CNBD1: variants seen among roughly 807,000 people sequenced by gnomAD.
The protein encoded by CNBD1 is cyclic nucleotide binding domain containing 1.
Under a neutral mutation model 54.4 loss-of-function variants are expected in CNBD1, and 71 were observed. That is an observed-to-expected ratio of 1.30 (90% CI 1.08 to 1.59). The LOEUF (loss-of-function observed/expected upper bound fraction) is 1.59. Ranked by LOEUF, CNBD1 falls within the 40% of genes most tolerant of loss-of-function variation. The pLI is 0.00. For synonymous variants in CNBD1, 182 were observed against 170.7 expected, an observed-to-expected ratio of 1.07 and a Z score of -0.51; for missense variants, 659 against 518.0, an observed-to-expected ratio of 1.27 and a Z score of -2.64.
At chr8:86,962,869 G>A (rs1255294547) in intron 4 of CNBD1, among the ~76,000 whole-genome samples, 1 of 152,120 alleles carries the variant, frequency 6.6e-6, no homozygotes, top group South Asian at 2.1e-4. Context: ...GGCATGTCAG[G>A]CTTCTGGGTT....
chr8:87,340,504 T>G (rs1810044494), intron 8 of CNBD1, among the ~76,000 whole-genome samples: 1 of 152,170 alleles, frequency 6.6e-6, no homozygotes, highest in Non-Finnish European at 1.5e-5. Flanking sequence ...TTTCTTTCTC[T>G]CTCTTCTCCT....
chr8:87,275,025 T>C (rs1333105172), intron 6 of CNBD1, among the ~76,000 whole-genome samples: 1 of 134,180 alleles, frequency 7.5e-6, no homozygotes, highest in African/African-American at 3.0e-5. Context: ...ATTTATTAAA[T>C]AGGGAATCCT....
intron 4 of CNBD1, among the ~76,000 whole-genome samples, chr8:87,020,705 T>A (rs957746219): frequency 6.6e-6 from 1 of 152,198 alleles, no homozygotes; most frequent in Non-Finnish European, 1.5e-5. Flanking sequence ...ATATATTTCC[T>A]TGCCATACCT....
chr8:86,969,476 AT>A (rs2130487479), intron 4 of CNBD1, among the ~76,000 whole-genome samples: 1 of 152,200 alleles, frequency 6.6e-6, no homozygotes, highest in Admixed American at 6.5e-5. Flanking sequence ...CCATGTTTTA[AT>A]GTTTAGGAAA....
Position 87,013,565 on chromosome 8 carries a change from A to T in CNBD1, c.431+73811A>T, listed in dbSNP as rs191176693. Among the ~76,000 whole-genome samples the T allele has an allele frequency of 3.4e-3, 508 of 151,484 alleles. 4 individuals are homozygous for T. The highest frequency in any genetic ancestry group is 5.8e-3 in the Non-Finnish European group (390 of 67,816). Reference sequence around the variant, plus strand: ...CTGCTGTTACTTTTCTACTGAGATTAAAAAAAATAATAATAACCGCTGTTT... The same window carrying T: ...CTGCTGTTACTTTTCTACTGAGATTTAAAAAAATAATAATAACCGCTGTTT... On this transcript the variant is annotated intron_variant, in intron 4 of 10. Transcript: ENST00000518476.
intron 4 of CNBD1, among the ~76,000 whole-genome samples, chr8:87,127,492 G>A (rs1408837831): frequency 6.6e-6 from 1 of 152,122 alleles, no homozygotes; most frequent in Non-Finnish European, 1.5e-5. Context: ...TGATTTATGT[G>A]TATTAATCTT....
chr8:87,302,008 C>T (rs1157681326), intron 8 of CNBD1, among the ~76,000 whole-genome samples: 1 of 152,030 alleles, frequency 6.6e-6, no homozygotes, highest in Non-Finnish European at 1.5e-5. Context: ...AGCTTACCAA[C>T]CAAAAAAAGT....
In CNBD1 at chr8:86,925,730, CAA is replaced by C. The variant is rs71275895; in HGVS notation, c.273-13849_273-13848del. On this transcript the variant is annotated intron_variant, in intron 3 of 10. Coordinates refer to ENST00000518476, the MANE Select transcript of CNBD1 (RefSeq NM_173538.3). The stretch of plus-strand genomic sequence containing the variant: ...ACACCCTCTCTACTGAAAAAAATAC[CAA>C]AAAAAAAAAAAAAAAAGAATTAGCC... Among the ~76,000 whole-genome samples the C allele has an allele frequency of 6.6e-3, 931 of 141,654 alleles. 8 individuals are homozygous for C. Among genetic ancestry groups the C allele is most frequent in the South Asian group, 0.025 (108 of 4,326 alleles). 92.9% of individuals were successfully genotyped at this position (141,654 alleles called of 152,430 possible). A position where few individuals can be genotyped will look rare whatever the true frequency, so the allele number is the denominator to read the frequency against.
rs369207610 is a variant in CNBD1, at chr8:87,356,006, AC to A, written c.1303+2222del. Among the ~76,000 whole-genome samples the A allele has an allele frequency of 3.7e-3, 567 of 152,106 alleles. 6 individuals carry two copies. Among genetic ancestry groups the A allele is most frequent in the African/African-American group, 0.013 (551 of 41,476 alleles). ...GCATGTTTCTCTTGCTCCTTCTTTC[AC>A]CATGTGACACACCTGCTCCTCTTCC... On this transcript the variant is annotated intron_variant, in intron 10 of 10. Coordinates refer to ENST00000518476, the MANE Select transcript of CNBD1 (RefSeq NM_173538.3).
intron 4 of CNBD1, among the ~76,000 whole-genome samples, chr8:87,150,964 A>T (rs1050632383): frequency 3.3e-5 from 5 of 152,196 alleles, no homozygotes; most frequent in African/African-American, 1.2e-4. Flanking sequence ...ATGCTTTAGG[A>T]AAAAGAAGGT....
intron 10 of CNBD1, among the ~76,000 whole-genome samples, chr8:87,372,554 C>G (rs1020511802): frequency 5.9e-5 from 9 of 151,836 alleles, no homozygotes; most frequent in Non-Finnish European, 1.0e-4. Context: ...AGATTAAGTT[C>G]TTAGAAGATT....
chr8:87,427,287 G>A (rs1808067019), intron 2 of CNBD1, among the ~76,000 whole-genome samples: 1 of 152,032 alleles, frequency 6.6e-6, no homozygotes, highest in Admixed American at 6.6e-5. Context: ...AATGAGTTTG[G>A]GGTATAAAAT....
intron 4 of CNBD1, among the ~76,000 whole-genome samples, chr8:86,998,105 G>C (rs776622667): frequency 3.6e-4 from 55 of 151,980 alleles, no homozygotes; most frequent in Non-Finnish European, 6.9e-4. Context: ...GGTCTACAAA[G>C]TCATTGGTGA....
rs554805705 is a variant in CNBD1, at chr8:87,326,304, A to T, written c.1043-25381A>T. 1.1e-3 allele frequency among the ~76,000 whole-genome samples: 119 copies of T among 108,430 alleles called. 32 individuals carry two copies. The highest frequency in any genetic ancestry group is 7.5e-3 in the Admixed American group (84 of 11,180). The allele number at this position is 108,430 out of a possible 152,430, so 71.1% of individuals were successfully genotyped here. ...GTCTTGGAGTTGCACTTCTCGAGGA[A>T]TATCTTTGTGGCGTTCTCTGTATTT... is the stretch of plus-strand genomic sequence containing the variant. On this transcript the variant is annotated intron_variant, in intron 8 of 10. Coordinates refer to ENST00000518476, the MANE Select transcript of CNBD1 (RefSeq NM_173538.3).
chr8:87,366,173 T>G (rs551692715), intron 10 of CNBD1, among the ~76,000 whole-genome samples: 2 of 152,214 alleles, frequency 1.3e-5, no homozygotes, highest in East Asian at 3.9e-4. Flanking sequence ...CACAGTTTTG[T>G]AGGTCAGATG....
chr8:87,195,259 C>T (rs1223327532), intron 4 of CNBD1, among the ~76,000 whole-genome samples: 2 of 141,680 alleles, frequency 1.4e-5, no homozygotes, highest in African/African-American at 5.3e-5. Flanking sequence ...GATGGAGTCT[C>T]ACTCTGTCAC....
At chr8:87,126,696 T>C (rs1811996450) in intron 4 of CNBD1, among the ~76,000 whole-genome samples, 1 of 151,984 alleles carries the variant, frequency 6.6e-6, no homozygotes. Flanking sequence ...TTGCATTTTA[T>C]CATAGCAATT....
intron 4 of CNBD1, among the ~76,000 whole-genome samples, chr8:87,198,682 A>G (rs1258629964): frequency 6.6e-6 from 1 of 152,224 alleles, no homozygotes; most frequent in Non-Finnish European, 1.5e-5. Flanking sequence ...TGAAGCATTT[A>G]CAGAAATATT....
chr8:87,361,653 A>G (rs1291373554), intron 10 of CNBD1, among the ~76,000 whole-genome samples: 1 of 150,348 alleles, frequency 6.7e-6, no homozygotes, highest in Non-Finnish European at 1.5e-5. Context: ...CAGCAATTCC[A>G]GTTCATGGGG....
Sources: gnomAD v4.1 joint callset for allele counts (sites outside exome capture counted in the v4.1 genomes callset) on GRCh38, gnomAD v4.1.1 for gene constraint, MANE v1.5 for transcripts, NCBI Gene and HGNC (gene_info 2026-07-23, HGNC 2026-07-21) for gene names.